The following DNAH12 variants were observed in gnomAD, a reference collection of about 807,000 sequenced individuals.
The protein encoded by DNAH12 is dynein axonemal heavy chain 12.
A neutral mutation model predicts 371.5 loss-of-function variants in DNAH12; 285 were observed. The observed-to-expected ratio is 0.77, with a 90% CI of 0.70 to 0.85. The LOEUF (loss-of-function observed/expected upper bound fraction) is 0.85. DNAH12 is among the 40% of genes least tolerant of loss of function. DNAH12 has a pLI of 0.00. For synonymous variants in DNAH12, 1,200 were observed against 1,213.0 expected, an observed-to-expected ratio of 0.99 and a Z score of 0.22; for missense variants, 3,611 against 3,689.4, an observed-to-expected ratio of 0.98 and a Z score of 0.55.
intron 60 of DNAH12, among the ~76,000 whole-genome samples, chr3:57,342,320 A>G (rs567758954): frequency 6.6e-6 from 1 of 152,016 alleles, no homozygotes; most frequent in East Asian, 1.9e-4. Flanking sequence ...AACACAATGA[A>G]AAGACAACCT....
chr3:57,300,864 G>T (rs1295796281), intron 70 of DNAH12, among the ~76,000 whole-genome samples: 2 of 152,088 alleles, frequency 1.3e-5, no homozygotes, highest in East Asian at 3.8e-4. Flanking sequence ...CATAGAATGG[G>T]GGCAGGCAGT....
At chr3:57,410,491 C>T (rs529858786) in intron 39 of DNAH12, among the ~76,000 whole-genome samples, 5 of 152,128 alleles carry the variant, frequency 3.3e-5, no homozygotes, top group South Asian at 2.1e-4. Flanking sequence ...CCTTCCTATT[C>T]CTTGAGATAA....
At chr3:57,452,129 T>C (rs928248858) in intron 25 of DNAH12, among the ~76,000 whole-genome samples, 2 of 152,140 alleles carry the variant, frequency 1.3e-5, no homozygotes, top group South Asian at 4.1e-4. Flanking sequence ...GAGGTAAGAA[T>C]TGAGGTCGCT....
intron 64 of DNAH12, 126 bp from the exon 65 acceptor site, chr3:57,322,609 G>T (rs985701557): frequency 1.7e-6 from 2 of 1,146,328 alleles, no homozygotes; most frequent in Middle Eastern, 2.0e-4. Flanking sequence ...ACCTCTTAAG[G>T]TTAAGCATCT....
At chr3:57,304,229 C>G (rs1238079387) in intron 69 of DNAH12, among the ~76,000 whole-genome samples, 1 of 152,180 alleles carries the variant, frequency 6.6e-6, no homozygotes, top group Admixed American at 6.5e-5. Flanking sequence ...CACAGAAAGC[C>G]TGTTTGGTGG....
intron 6 of DNAH12, 119 bp from the exon 7 acceptor site, chr3:57,508,659 G>T (rs766465203): frequency 8.5e-7 from 1 of 1,180,978 alleles, no homozygotes; most frequent in Non-Finnish European, 1.2e-6. Context: ...TGAGAAGAGG[G>T]AGCTGTGGTC....
upstream of DNAH12, among the ~76,000 whole-genome samples, chr3:57,548,266 T>C (rs959074381): frequency 1.3e-5 from 2 of 152,204 alleles, no homozygotes; most frequent in Non-Finnish European, 2.9e-5. Context: ...AATTTACATA[T>C]CAAATAAGCC....
chr3:57,457,471 C>A (rs1399325208), intron 22 of DNAH12, among the ~76,000 whole-genome samples: 1 of 152,122 alleles, frequency 6.6e-6, no homozygotes, highest in South Asian at 2.1e-4. Context: ...TATCACTGGA[C>A]CTTCCCCCAT....
At chr3:57,363,531 A>T (rs2062984385) in intron 58 of DNAH12, 63 bp downstream of exon 58, 1 of 152,098 alleles carries the variant, frequency 6.6e-6, no homozygotes, top group South Asian at 2.1e-4. Flanking sequence ...ACAAATCAGG[A>T]TCTTAAGATT....
chr3:57,503,037 G>GA (rs2067613877), intron 9 of DNAH12, among the ~76,000 whole-genome samples: 1 of 152,140 alleles, frequency 6.6e-6, no homozygotes. Flanking sequence ...AATGGCCCAA[G>GA]AAAAAATAAC....
intron 65 of DNAH12, among the ~76,000 whole-genome samples, chr3:57,315,203 C>T (rs2061660778): frequency 6.6e-6 from 1 of 151,690 alleles, no homozygotes; most frequent in East Asian, 1.9e-4. Flanking sequence ...CTTTAAGGTC[C>T]CCCCCAAGTA....
chr3:57,306,157 G>A (rs2061465655), intron 69 of DNAH12, among the ~76,000 whole-genome samples: 1 of 152,108 alleles, frequency 6.6e-6, no homozygotes, highest in Non-Finnish European at 1.5e-5. Context: ...GCTGAAGACT[G>A]ACACTGCCCG....
At position 57,470,434 on chromosome 3, in the gene DNAH12, A is replaced by G. The variant is rs2066333062; in HGVS notation, c.2105+9T>C. 4.0e-6 allele frequency: 6 copies of G among 1,497,924 alleles called. No homozygotes were observed. Among genetic ancestry groups the G allele is most frequent in the Non-Finnish European group, 4.4e-6 (5 of 1,126,428 alleles). 92.8% of individuals were successfully genotyped at this position (1,497,924 alleles called of 1,614,324 possible). ...TTTGCTTGATTTTTATTACATTACC[A>G]GCAATTACCGTTTTTCTGATCGCTG... On this transcript the variant is annotated intron_variant, in intron 16 of 73. Coordinates refer to ENST00000495027, the MANE Select transcript of DNAH12 (RefSeq NM_001366028.2).
chr3:57,487,876 T>C (rs1404760637), intron 12 of DNAH12, among the ~76,000 whole-genome samples: 2 of 152,120 alleles, frequency 1.3e-5, no homozygotes, highest in South Asian at 4.1e-4. Flanking sequence ...AGTGTTTTTT[T>C]TTTGTTTTTT....
At chr3:57,497,746 G>A (rs1024533851) in intron 11 of DNAH12, among the ~76,000 whole-genome samples, 14 of 152,014 alleles carry the variant, frequency 9.2e-5, no homozygotes, top group Non-Finnish European at 1.6e-4. Context: ...GACACAAAAC[G>A]TATGAACCTC....
intron 34 of DNAH12, among the ~76,000 whole-genome samples, chr3:57,427,773 A>G (rs1346260993): frequency 6.6e-6 from 1 of 152,126 alleles, no homozygotes; most frequent in East Asian, 1.9e-4. Flanking sequence ...CAAGCCAAGG[A>G]ACACCTGAGG....
At chr3:57,321,519 G>GGA (rs566452608) in intron 65 of DNAH12, among the ~76,000 whole-genome samples, 223 of 152,264 alleles carry the variant, frequency 1.5e-3, no homozygotes, top group African/African-American at 5.2e-3. Context: ...ACTTGCTGCA[G>GGA]GAGAGAGGAG....
chr3:57,495,803 C>T (rs1243268607), intron 11 of DNAH12, among the ~76,000 whole-genome samples: 27 of 127,344 alleles, frequency 2.1e-4, no homozygotes, highest in Admixed American at 3.2e-4. Context: ...ATTTTTAATC[C>T]TTGATTTTAT....
At position 57,544,309 on chromosome 3, in the gene DNAH12, C is replaced by A. The variant is rs1448148127; in HGVS notation, c.-146G>T. On this transcript the variant is annotated 5_prime_UTR_variant, in exon 1 of 74. Transcript: ENST00000495027. The stretch of plus-strand genomic sequence containing the variant: ...GATAACGAGGGAGAAACCTCCGGAA[C>A]GCCACCGGCTCTCAAACGAGTAGCT... The A allele has an allele frequency of 6.6e-6, 1 of 152,182 alleles. No individual in the cohort carries two copies. Among genetic ancestry groups the A allele is most frequent in the Non-Finnish European group, 1.5e-5 (1 of 68,062 alleles). 9.4% of individuals were successfully genotyped at this position (152,182 alleles called of 1,614,324 possible).
Sources: gnomAD v4.1 joint callset for allele counts (sites outside exome capture counted in the v4.1 genomes callset) on GRCh38, gnomAD v4.1.1 for gene constraint, MANE v1.5 for transcripts, NCBI Gene and HGNC (gene_info 2026-07-23, HGNC 2026-07-21) for gene names.